Variants in SOX5 observed in about 807,000 individuals in gnomAD.
The protein encoded by SOX5 is transcription factor SOX-5.
A neutral mutation model predicts 92.0 loss-of-function variants in SOX5; 9 were observed. That is an observed-to-expected ratio of 0.10 (90% CI 0.06 to 0.17). The LOEUF (loss-of-function observed/expected upper bound fraction) is 0.17, where lower values mean the gene tolerates loss of function less well. SOX5 is among the 10% of genes least tolerant of loss of function. SOX5 has a pLI of 1.00. For missense variants in SOX5, 642 were observed against 944.5 expected, an observed-to-expected ratio of 0.68 and a Z score of 4.20; for synonymous variants, 344 against 336.3, an observed-to-expected ratio of 1.02 and a Z score of -0.25.
At chr12:24,385,053 T>C (rs1464476710) in intron 1 of SOX5, among the ~76,000 whole-genome samples, 3 of 152,206 alleles carry the variant, frequency 2.0e-5, no homozygotes. Context: ...CACATTCATA[T>C]AATTTTATTA....
At chr12:24,491,560 CA>C (rs1018425437) in intron 1 of SOX5, among the ~76,000 whole-genome samples, 14 of 151,400 alleles carry the variant, frequency 9.2e-5, no homozygotes, top group East Asian at 1.9e-4. Flanking sequence ...AGTAAAAATG[CA>C]AAAAAAGTCC....
chr12:23,860,285 C>T (rs952720415), intron 2 of SOX5, among the ~76,000 whole-genome samples: 10 of 127,930 alleles, frequency 7.8e-5, no homozygotes, highest in African/African-American at 1.5e-4. Context: ...CACATGTACC[C>T]CCAAACCTAA....
chr12:24,151,848 C>T (rs1160464835), intron 4 of SOX5, among the ~76,000 whole-genome samples: 2 of 151,292 alleles, frequency 1.3e-5, no homozygotes, highest in African/African-American at 4.9e-5. Flanking sequence ...TCATAGAATA[C>T]GATGCAAGAA....
intron 2 of SOX5, among the ~76,000 whole-genome samples, chr12:23,877,374 G>T (rs1489550566): frequency 6.6e-6 from 1 of 151,954 alleles, no homozygotes; most frequent in East Asian, 1.9e-4. Context: ...AGTTACAGTT[G>T]CCATTTTTGG....
chr12:24,545,001 A>C (rs982002604), intron 1 of SOX5, among the ~76,000 whole-genome samples: 2 of 152,174 alleles, frequency 1.3e-5, no homozygotes, highest in Non-Finnish European at 2.9e-5. Context: ...TAAATAGAGT[A>C]ATATATTTTT....
At chr12:23,777,794 CA>C (rs150838352) in intron 3 of SOX5, among the ~76,000 whole-genome samples, 1 of 151,720 alleles carries the variant, frequency 6.6e-6, no homozygotes, top group African/African-American at 2.4e-5. Flanking sequence ...ACAAATTAAG[CA>C]GGGGAAATAA....
At chr12:24,077,765 G>T (rs971889723) in intron 4 of SOX5, among the ~76,000 whole-genome samples, 2 of 100,638 alleles carry the variant, frequency 2.0e-5, no homozygotes, top group Non-Finnish European at 4.0e-5. Context: ...TCTTCGAAAG[G>T]TATTTTCATA....
chr12:24,282,490 T>C (rs1394236829), intron 2 of SOX5, among the ~76,000 whole-genome samples: 1 of 150,226 alleles, frequency 6.7e-6, no homozygotes, highest in Non-Finnish European at 1.5e-5. Flanking sequence ...GCGAGAATAA[T>C]GTCAGGCACA....
chr12:23,899,257 T>C (rs373536007), intron 1 of SOX5, among the ~76,000 whole-genome samples: 20 of 151,932 alleles, frequency 1.3e-4, no homozygotes, highest in African/African-American at 4.8e-4. Flanking sequence ...CAAAATTAGC[T>C]GGGCATGGTG....
rs146588182 is a variant in SOX5, at chr12:23,817,398, A to G, written c.481+28585T>C. On this transcript the variant is annotated intron_variant, in intron 3 of 14. Coordinates refer to ENST00000451604, the MANE Select transcript of SOX5 (RefSeq NM_006940.6). ...AATCATACATTATATGTCTAGCCTT[A>G]TTAGTTGCAGCACCCAAAGGAAAGC... Among the ~76,000 whole-genome samples the G allele has an allele frequency of 1.1e-4, 17 of 152,328 alleles. No homozygotes were observed. In the East Asian group the frequency reaches 3.3e-3, roughly 29 times the overall value.
Position 23,534,502 on chromosome 12 carries a change from A to C in SOX5, c.2009T>G (p.Ile670Ser), listed in dbSNP as rs776780075. The C allele has an allele frequency of 6.2e-7, 1 of 1,612,982 alleles. No individual in the cohort carries two copies. ...FNVGQQAQIP[I>S]ATAGVVYPGA... ...AGGGTACACAACACCAGCAGTGGCAATGGGGATCTGTGCTTGTTGCCTGTC... is the reference window on the plus strand; with the variant it reads ...AGGGTACACAACACCAGCAGTGGCACTGGGGATCTGTGCTTGTTGCCTGTC... The change falls in exon 15 of 15, where the codon ATT becomes AGT. Residue 670 changes from isoleucine to serine, a missense_variant. Ile to Ser is a moderately radical substitution (Grantham distance 142, BLOSUM62 -2). Transcript: ENST00000451604.
intron 1 of SOX5, among the ~76,000 whole-genome samples, chr12:24,532,296 C>T (rs1464732813): frequency 6.6e-6 from 1 of 152,146 alleles, no homozygotes; most frequent in African/African-American, 2.4e-5. Flanking sequence ...ACTTGGAATC[C>T]AATCCAGCCA....
intron 4 of SOX5, among the ~76,000 whole-genome samples, chr12:24,171,411 G>A (rs1157716249): frequency 6.6e-6 from 1 of 151,578 alleles, no homozygotes. Context: ...TTTTAGTAGA[G>A]ACGAGGTTTC....
intron 2 of SOX5, among the ~76,000 whole-genome samples, chr12:23,880,274 T>C (rs1164419216): frequency 6.6e-6 from 1 of 152,162 alleles, no homozygotes; most frequent in African/African-American, 2.4e-5. Flanking sequence ...ACCTTAACTT[T>C]AGAGATTAGT....
chr12:24,474,669 G>A (rs1007087519), intron 1 of SOX5, among the ~76,000 whole-genome samples: 2 of 151,084 alleles, frequency 1.3e-5, no homozygotes, highest in African/African-American at 2.4e-5. Context: ...CCGGGTAGCT[G>A]GGATTACAGG....
At chr12:24,037,437 C>T (rs1956148175) in intron 4 of SOX5, among the ~76,000 whole-genome samples, 1 of 152,070 alleles carries the variant, frequency 6.6e-6, no homozygotes, top group African/African-American at 2.4e-5. Flanking sequence ...AAGGTATAGA[C>T]TTGCTGTGAA....
At chr12:24,304,029 G>A (rs567718795) in intron 2 of SOX5, among the ~76,000 whole-genome samples, 2 of 152,288 alleles carry the variant, frequency 1.3e-5, no homozygotes, top group Middle Eastern at 3.4e-3. Context: ...GAGTATCGAT[G>A]AGTCTACGGC....
chr12:23,572,967 T>G (rs1317683362), intron 10 of SOX5, among the ~76,000 whole-genome samples: 1 of 152,146 alleles, frequency 6.6e-6, no homozygotes. Flanking sequence ...GATTAAAGCA[T>G]TTGATACACA....
At chr12:24,318,781 C>A (rs983208612) in intron 2 of SOX5, among the ~76,000 whole-genome samples, 3 of 152,128 alleles carry the variant, frequency 2.0e-5, no homozygotes, top group African/African-American at 7.2e-5. Flanking sequence ...CAGATACAAC[C>A]CAGTGATGCT....
Sources: gnomAD v4.1 joint callset for allele counts (sites outside exome capture counted in the v4.1 genomes callset) on GRCh38, gnomAD v4.1.1 for gene constraint, MANE v1.5 for transcripts, NCBI Gene and HGNC (gene_info 2026-07-23, HGNC 2026-07-21) for gene names.